Variants in KIAA1210 observed in about 807,000 individuals in gnomAD.
KIAA1210 encodes acrosomal protein KIAA1210.
A neutral mutation model predicts 78.9 loss-of-function variants in KIAA1210; 48 were observed. The observed-to-expected ratio is 0.61, with a 90% CI of 0.48 to 0.77. The LOEUF is 0.77. KIAA1210 is among the 30% of genes least tolerant of loss of function. The pLI, the probability that KIAA1210 is intolerant of heterozygous loss-of-function variation, is 0.00. For missense variants in KIAA1210, 1,108 were observed against 1,100.0 expected, an observed-to-expected ratio of 1.01 and a Z score of -0.10; for synonymous variants, 406 against 404.5, an observed-to-expected ratio of 1.00 and a Z score of -0.04.
At chrX:119,109,297 C>A in intron 3 of KIAA1210, 95 bp from the exon 4 acceptor site, 1 of 867,448 alleles carries the variant, frequency 1.2e-6, no homozygotes, top group South Asian at 2.7e-5. Context: ...ATAGATACCT[C>A]AGAAGGAGAG....
chrX:119,103,526 A>T (rs890291410), intron 6 of KIAA1210, among the ~76,000 whole-genome samples: 6 of 111,777 alleles, frequency 5.4e-5, no homozygotes, highest in Non-Finnish European at 9.4e-5. Flanking sequence ...GCTGTTGGGG[A>T]AAACAGTTTG....
Position 119,112,123 on chromosome X carries a change from GCCA to G in KIAA1210, c.231-2924_231-2922del, listed in dbSNP as rs774805590. Reference sequence around the variant, plus strand: ...TCCCCGCTTGCACTCTCTCTCTACTGCCACCATGTAAGACGTGCCTTGCTTCCC... The same window carrying G: ...TCCCCGCTTGCACTCTCTCTCTACTGCCATGTAAGACGTGCCTTGCTTCCC... On this transcript the variant is annotated intron_variant, in intron 3 of 11. Transcript: ENST00000691062. 3.9e-3 allele frequency among the ~76,000 whole-genome samples: 436 copies of G among 111,295 alleles called. 6 individuals are homozygous for G. Among genetic ancestry groups the G allele is most frequent in the African/African-American group, 0.013 (413 of 30,598 alleles).
At chrX:119,150,229 A>AGACTT (rs1929260756) in intron 1 of KIAA1210, 2 of 1,098,288 alleles carry the variant, frequency 1.8e-6, no homozygotes, top group South Asian at 4.2e-5. Context: ...CTCCCTTCTC[A>AGACTT]GACTTGAGTC....
intron 5 of KIAA1210, among the ~76,000 whole-genome samples, chrX:119,105,936 C>G (rs1927880872): frequency 8.9e-6 from 1 of 111,864 alleles, no homozygotes; most frequent in Non-Finnish European, 1.9e-5. Flanking sequence ...ATGCATTACA[C>G]CCCATTCCAG....
In KIAA1210 at chrX:119,081,056, G is replaced by A. The variant is rs1401371765; in HGVS notation, c.*273C>T. 5.3e-6 allele frequency: 1 copy of A among 189,837 alleles called. No homozygotes were observed. Among genetic ancestry groups the A allele is most frequent in the Non-Finnish European group, 9.6e-6 (1 of 104,147 alleles). 15.6% of individuals were successfully genotyped at this position (189,837 alleles called of 1,213,427 possible). The stretch of plus-strand genomic sequence containing the variant: ...AGGCGGGCGGATCACGAGGTCAGGA[G>A]ATCAAGACCATCCTGGCCAACATGG... On this transcript the variant is annotated 3_prime_UTR_variant, in exon 12 of 12. Transcript: ENST00000691062.
In KIAA1210 at chrX:119,093,748, G is replaced by A. The variant is rs758904616; in HGVS notation, c.874C>T (p.Leu292Phe). The A allele has an allele frequency of 2.5e-6, 3 of 1,207,882 alleles. No homozygotes were observed. The Admixed American group carries it at 6.6e-5, about 26-fold the overall frequency. Residue 292 changes from leucine (L) to phenylalanine (F), a missense_variant, in exon 8 of 12, where the codon CTT becomes TTT. Transcript: ENST00000691062. Reference protein sequence around the residue: ...IVEPKEEEPNLPLVSEEEKSI... With the variant: ...IVEPKEEEPNFPLVSEEEKSI... ...TTTTCTTCTTCAGAAACCAATGGAA[G>A]GTTTGGCTCCTCCTCCTTTGGTTCC...
chrX:119,112,912 A>G (rs146049667), intron 3 of KIAA1210, among the ~76,000 whole-genome samples: 2,084 of 112,368 alleles, frequency 0.019, 52 homozygotes, highest in African/African-American at 0.063. Flanking sequence ...CAGCAGTATT[A>G]TTCACAATAG....
At chrX:119,094,284 G>C (rs2147175546) in intron 7 of KIAA1210, among the ~76,000 whole-genome samples, 1 of 112,164 alleles carries the variant, frequency 8.9e-6, no homozygotes, top group East Asian at 2.8e-4. Flanking sequence ...TTTGTTGGGA[G>C]GGAAAGGAGA....
At chrX:119,149,240 T>C (rs1929236042) in intron 1 of KIAA1210, among the ~76,000 whole-genome samples, 1 of 111,297 alleles carries the variant, frequency 9.0e-6, no homozygotes. Flanking sequence ...ACTGAGCTTA[T>C]GTCCCCATCC....
intron 7 of KIAA1210, 102 bp downstream of exon 7, chrX:119,096,392 G>A: frequency 3.9e-6 from 3 of 761,748 alleles, no homozygotes; most frequent in Non-Finnish European, 5.6e-6. Flanking sequence ...CTTAGGGCAT[G>A]AGTCTCCTAC....
intron 2 of KIAA1210, among the ~76,000 whole-genome samples, chrX:119,137,005 G>T (rs889508268): frequency 8.9e-6 from 1 of 112,287 alleles, no homozygotes; most frequent in Non-Finnish European, 1.9e-5. Context: ...TTATTTCCCA[G>T]AGCCTGTCTC....
intron 1 of KIAA1210, among the ~76,000 whole-genome samples, chrX:119,149,730 T>C (rs1331452174): frequency 8.9e-6 from 1 of 112,213 alleles, no homozygotes; most frequent in Non-Finnish European, 1.9e-5. Context: ...ATATACTGCT[T>C]GAATATAATA....
chrX:119,087,289 GA>G lies in KIAA1210; in HGVS notation c.3412del (p.Ser1138LeufsTer39). 8.3e-7 allele frequency: 1 copy of G among 1,211,212 alleles called. No individual in the cohort carries two copies. Among genetic ancestry groups the G allele is most frequent in the Non-Finnish European group, 1.1e-6 (1 of 895,243 alleles). Reference protein sequence around the residue: ...PEYEQKVSPVSASSPKEWRNS... With the variant: ...PEYEQKVSPVXASSPKEWRNS... ...CCTCCACTCTTTAGGAGAACTGGCA[GA>G]AACAGGGGAGACTTTTTGCTCATAC... is the stretch of plus-strand genomic sequence containing the variant. On this transcript the variant is annotated frameshift_variant, in exon 9 of 12. Transcript: ENST00000691062. LOFTEE classifies it high-confidence loss of function.
rs1259670439 is a variant in KIAA1210, at chrX:119,088,236, G to A, written c.2466C>T (p.Asn822=). 4 of 1,209,728 alleles carry A rather than the reference G, an allele frequency of 3.3e-6. No homozygotes were observed. The East Asian group carries it at 8.9e-5, about 27-fold the overall frequency. ...CAATGTCCTCTGAACCTGAGAACAT[G>A]TTTTGTTGAACTTTAGGATTCATCA... is the stretch of plus-strand genomic sequence containing the variant. ...QPLMNPKVQQ[N]MFSGSEDIAV... is the part of the protein sequence containing the mutation. Residue 822 remains asparagine (N), a synonymous_variant, in exon 9 of 12, where the codon AAC becomes AAT. Transcript: ENST00000691062.
chrX:119,107,104 C>T (rs1309154747), intron 5 of KIAA1210, among the ~76,000 whole-genome samples: 1 of 111,851 alleles, frequency 8.9e-6, no homozygotes, highest in African/African-American at 3.3e-5. Flanking sequence ...CTATTAATAC[C>T]CTATGTTGTC....
intron 6 of KIAA1210, among the ~76,000 whole-genome samples, chrX:119,099,039 C>G (rs1927651131): frequency 1.8e-5 from 2 of 112,084 alleles, no homozygotes; most frequent in South Asian, 7.5e-4. Flanking sequence ...CTCACTAGCT[C>G]CAGCCAAAGG....
In KIAA1210 at chrX:119,123,572, G is replaced by A. The variant is rs888933812; in HGVS notation, c.61+10C>T. On this transcript the variant is annotated intron_variant, in intron 2 of 11. Coordinates refer to ENST00000691062, the MANE Select transcript of KIAA1210 (RefSeq NM_001394962.1). ...AATTCTGGTTATCAAAGTTTTATTGGGTTACTTACCCTCATCACCGGCCTC... is the reference window on the plus strand; with the variant it reads ...AATTCTGGTTATCAAAGTTTTATTGAGTTACTTACCCTCATCACCGGCCTC... 3 of 1,167,429 alleles carry A rather than the reference G, an allele frequency of 2.6e-6. No homozygotes were observed. In the South Asian group the frequency reaches 5.6e-5, roughly 22 times the overall value.
chrX:119,104,083 T>G (rs1927816125), intron 6 of KIAA1210, among the ~76,000 whole-genome samples: 1 of 112,314 alleles, frequency 8.9e-6, no homozygotes, highest in African/African-American at 3.2e-5. Flanking sequence ...TACTTTAAAA[T>G]GGTTAAAATG....
intron 6 of KIAA1210, among the ~76,000 whole-genome samples, chrX:119,103,452 C>A (rs969033313): frequency 9.0e-6 from 1 of 111,635 alleles, no homozygotes; most frequent in African/African-American, 3.3e-5. Flanking sequence ...CAAGTGTTAG[C>A]CAGGATGTGG....
Sources: allele counts gnomAD v4.1 joint callset (sites outside exome capture counted in the v4.1 genomes callset), GRCh38; gene constraint gnomAD v4.1.1; transcripts MANE v1.5; gene names NCBI Gene and HGNC (gene_info 2026-07-23, HGNC 2026-07-21).